The following ANKRD44 variants were observed in gnomAD, a reference collection of about 807,000 sequenced individuals.
The protein encoded by ANKRD44 is ankyrin repeat domain 44, also known as serine/threonine-protein phosphatase 6 regulatory ankyrin repeat subunit B.
A neutral mutation model predicts 116.0 loss-of-function variants in ANKRD44; 35 were observed. The ratio of observed to expected loss-of-function variants is 0.30; its 90% CI spans 0.23 to 0.40. The LOEUF (loss-of-function observed/expected upper bound fraction) is 0.40. ANKRD44 is among the 10% of genes least tolerant of loss of function. The pLI, the probability that ANKRD44 is intolerant of heterozygous loss-of-function variation, is 1.00. For missense variants in ANKRD44, 1,014 were observed against 1,242.6 expected, an observed-to-expected ratio of 0.82 and a Z score of 2.77; for synonymous variants, 435 against 461.8, an observed-to-expected ratio of 0.94 and a Z score of 0.74.
chr2:197,147,152 G>A, intron 2 of ANKRD44, 47 bp from the exon 3 acceptor site: 1 of 1,551,822 alleles, frequency 6.4e-7, no homozygotes, highest in Non-Finnish European at 8.9e-7. Flanking sequence ...GTGGCAGCTG[G>A]AGGTCCCTTT....
chr2:197,290,363 A>ATT (rs1321484960), intron 1 of ANKRD44, among the ~76,000 whole-genome samples: 1 of 151,844 alleles, frequency 6.6e-6, no homozygotes, highest in African/African-American at 2.4e-5. Context: ...GATGTTGAGC[A>ATT]TTTTTTCATA....
At chr2:197,188,536 A>G (rs941256329) in intron 1 of ANKRD44, among the ~76,000 whole-genome samples, 3 of 152,206 alleles carry the variant, frequency 2.0e-5, no homozygotes, top group Admixed American at 2.0e-4. Context: ...CCACATGCAA[A>G]GCCCATTTCT....
At chr2:197,046,463 C>G (rs991852110) in intron 16 of ANKRD44, among the ~76,000 whole-genome samples, 7 of 151,962 alleles carry the variant, frequency 4.6e-5, no homozygotes, top group Non-Finnish European at 1.0e-4. Context: ...CAGTATTATT[C>G]ACTCCTATCT....
At chr2:197,036,404 G>A (rs1440938836) in intron 16 of ANKRD44, among the ~76,000 whole-genome samples, 1 of 152,084 alleles carries the variant, frequency 6.6e-6, no homozygotes, top group East Asian at 1.9e-4. Context: ...GATTACAAGC[G>A]CCCACCATCA....
chr2:197,197,821 A>AAAAG (rs2080992536), intron 1 of ANKRD44, among the ~76,000 whole-genome samples: 1 of 143,362 alleles, frequency 7.0e-6, no homozygotes, highest in Non-Finnish European at 1.5e-5. Flanking sequence ...AAAAAAAAAA[A>AAAAG]AAAAAAAAAG....
At chr2:197,290,043 A>G (rs1057352713) in intron 1 of ANKRD44, among the ~76,000 whole-genome samples, 1 of 151,984 alleles carries the variant, frequency 6.6e-6, no homozygotes, top group Non-Finnish European at 1.5e-5. Context: ...GTATTTTAGG[A>G]GAGACGGGGT....
At chr2:197,272,657 T>G (rs751028995) in intron 1 of ANKRD44, among the ~76,000 whole-genome samples, 6 of 152,188 alleles carry the variant, frequency 3.9e-5, no homozygotes, top group Non-Finnish European at 5.9e-5. Context: ...GTGGAGCCCT[T>G]AAAGTGGAAT....
intron 1 of ANKRD44, among the ~76,000 whole-genome samples, chr2:197,226,102 G>A (rs977633077): frequency 6.6e-6 from 1 of 152,174 alleles, no homozygotes; most frequent in African/African-American, 2.4e-5. Flanking sequence ...AGACAAAAAT[G>A]ATCAGTGCTC....
chr2:196,971,017 T>G (rs1424260085), intron 21 of ANKRD44, among the ~76,000 whole-genome samples: 1 of 152,232 alleles, frequency 6.6e-6, no homozygotes, highest in Non-Finnish European at 1.5e-5. Context: ...TTTTAATTTT[T>G]TCTATGTTAT....
intron 14 of ANKRD44, among the ~76,000 whole-genome samples, chr2:197,083,088 A>C (rs1323676033): frequency 6.6e-6 from 1 of 152,260 alleles, no homozygotes; most frequent in East Asian, 1.9e-4. Flanking sequence ...GGTATATGTC[A>C]AAATAAATTA....
intron 9 of ANKRD44, among the ~76,000 whole-genome samples, chr2:197,102,054 A>C (rs1168631266): frequency 6.6e-6 from 1 of 152,094 alleles, no homozygotes; most frequent in Non-Finnish European, 1.5e-5. Context: ...GCTTTGCAAA[A>C]AAAAACAAAA....
At chr2:196,977,975 T>C (rs971136810) in intron 21 of ANKRD44, among the ~76,000 whole-genome samples, 3 of 152,198 alleles carry the variant, frequency 2.0e-5, no homozygotes, top group African/African-American at 7.2e-5. Flanking sequence ...GTCCACCAAC[T>C]GATGAATGAA....
intron 1 of ANKRD44, among the ~76,000 whole-genome samples, chr2:197,309,795 G>C (rs141484630): frequency 5.9e-5 from 9 of 152,184 alleles, no homozygotes; most frequent in Admixed American, 5.9e-4. Flanking sequence ...GAAGGTGGCT[G>C]TTACCATTCC....
intron 1 of ANKRD44, among the ~76,000 whole-genome samples, chr2:197,303,103 G>A (rs1174887230): frequency 6.6e-6 from 1 of 152,212 alleles, no homozygotes; most frequent in African/African-American, 2.4e-5. Context: ...AAACTTCTTG[G>A]AGAAAGGACT....
chr2:196,975,463 G>A (rs952892566), intron 21 of ANKRD44, among the ~76,000 whole-genome samples: 10 of 152,220 alleles, frequency 6.6e-5, no homozygotes, highest in African/African-American at 2.4e-4. Context: ...TGAGGCCAGC[G>A]TTACCATCAC....
chr2:197,078,173 A>C (rs2077713634), intron 16 of ANKRD44: 1 of 157,474 alleles, frequency 6.4e-6, no homozygotes, highest in African/African-American at 2.4e-5. Context: ...CATGACAATT[A>C]TGACATGGTT....
At chr2:197,152,254 T>C (rs2079671777) in intron 2 of ANKRD44, among the ~76,000 whole-genome samples, 1 of 152,218 alleles carries the variant, frequency 6.6e-6, no homozygotes, top group Admixed American at 6.5e-5. Context: ...AGTTGAATAG[T>C]TACATAGGCT....
At chr2:196,983,821 G>A (rs1245436560), downstream of ANKRD44, among the ~76,000 whole-genome samples, 1 of 152,132 alleles carries the variant, frequency 6.6e-6, no homozygotes, top group East Asian at 1.9e-4. Flanking sequence ...TGTGACGGTG[G>A]GCCAAGTGCC....
intron 1 of ANKRD44, among the ~76,000 whole-genome samples, chr2:197,305,411 T>C (rs570148018): frequency 1.3e-3 from 197 of 152,318 alleles, no homozygotes; most frequent in Non-Finnish European, 2.5e-3. Flanking sequence ...AATTATCAGA[T>C]CTCTGTAGCT....
Sources: allele counts gnomAD v4.1 joint callset (sites outside exome capture counted in the v4.1 genomes callset), GRCh38; gene constraint gnomAD v4.1.1; transcripts MANE v1.5; gene names NCBI Gene and HGNC (gene_info 2026-07-23, HGNC 2026-07-21).